Variants in RCBTB2 observed in about 807,000 individuals in gnomAD.
RCBTB2 encodes RCC1 and BTB domain containing protein 2.
A neutral mutation model predicts 65.4 loss-of-function variants in RCBTB2; 55 were observed. The ratio of observed to expected loss-of-function variants is 0.84; its 90% CI spans 0.68 to 1.05. The LOEUF (loss-of-function observed/expected upper bound fraction) is 1.05, where lower values mean the gene tolerates loss of function less well. RCBTB2 is among the 50% of genes least tolerant of loss of function. The pLI is 0.00. For synonymous variants in RCBTB2, 220 were observed against 255.2 expected (o/e 0.86, Z 1.31); for missense variants, 599 against 680.1 (o/e 0.88, Z 1.33).
intron 1 of RCBTB2, among the ~76,000 whole-genome samples, chr13:48,531,690 A>G (rs1952134153): frequency 6.6e-6 from 1 of 152,226 alleles, no homozygotes; most frequent in Non-Finnish European, 1.5e-5. Context: ...CTGCTGCTTA[A>G]TAACACGCAT....
chr13:48,513,604 CA>C (rs1246422555), intron 6 of RCBTB2, among the ~76,000 whole-genome samples: 1 of 152,154 alleles, frequency 6.6e-6, no homozygotes, highest in African/African-American at 2.4e-5. Flanking sequence ...TTGCTGTGTT[CA>C]AACTGCTACA....
At chr13:48,513,980 C>T (rs1469010847) in intron 6 of RCBTB2, among the ~76,000 whole-genome samples, 2 of 152,122 alleles carry the variant, frequency 1.3e-5, no homozygotes, top group Non-Finnish European at 2.9e-5. Flanking sequence ...AGATTAACAA[C>T]AATAACTAAT....
At chr13:48,499,111 AACACACACACACAC>A (rs142443945) in intron 13 of RCBTB2, among the ~76,000 whole-genome samples, 1 of 105,862 alleles carries the variant, frequency 9.4e-6, no homozygotes, top group Non-Finnish European at 1.9e-5. Context: ...CCCCCACCCC[AACACACACACACAC>A]ACACACACAC....
At chr13:48,528,058 C>A (rs1026043373) in intron 1 of RCBTB2, among the ~76,000 whole-genome samples, 2 of 152,152 alleles carry the variant, frequency 1.3e-5, no homozygotes, top group East Asian at 1.9e-4. Context: ...GACATAGGTT[C>A]ATTTGCCTAA....
At chr13:48,526,175 T>C (rs7322788) in intron 1 of RCBTB2, among the ~76,000 whole-genome samples, 2,427 of 152,330 alleles carry the variant, frequency 0.016, 60 homozygotes, top group African/African-American at 0.055. Flanking sequence ...ACCAAGGACA[T>C]GGAAATTCAA....
Position 48,501,755 on chromosome 13 carries a change from G to A in RCBTB2, c.1231C>T (p.Leu411Phe). The A allele has an allele frequency of 6.2e-7, 1 of 1,611,346 alleles. No homozygotes were observed. The highest frequency in any genetic ancestry group is 8.5e-7 in the Non-Finnish European group (1 of 1,178,162). ...DGKYIYAHKVLLKIRCEHFRS... is the reference protein window; with the variant it reads ...DGKYIYAHKVFLKIRCEHFRS... ...ATGATTCCTTACCGAATCTTGAGAA[G>A]GACTTTATGTGCATAAATGTACTTT... Residue 411 changes from leucine to phenylalanine, a missense_variant, in exon 12 of 15, where the codon CTT (leucine) becomes TTT (phenylalanine). Leu to Phe is a conservative substitution (Grantham distance 22, BLOSUM62 0). Coordinates refer to ENST00000344532, the MANE Select transcript of RCBTB2 (RefSeq NM_001268.4).
chr13:48,532,888 T>G (rs1952250033), intron 1 of RCBTB2, 140 bp downstream of exon 1: 1 of 433,288 alleles, frequency 2.3e-6, no homozygotes, highest in South Asian at 1.6e-5. Context: ...TCTAGTCCCC[T>G]GGGCCCCTCA....
intron 1 of RCBTB2, among the ~76,000 whole-genome samples, chr13:48,527,361 T>TATATGATATATATATATGATATATA: frequency 4.4e-5 from 5 of 112,442 alleles, no homozygotes; most frequent in African/African-American, 2.8e-4. Flanking sequence ...TGATATATAT[T>TATATGATATATATATATGATATATA]TATATATGAT....
rs1371111620 is a variant in RCBTB2 at position 48,515,276 on chromosome 13, T to C, written c.278A>G (p.Asp93Gly). 6.2e-7 allele frequency: 1 copy of C among 1,614,072 alleles called. No individual in the cohort carries two copies. Reference protein sequence around the residue: ...VQSTIEPRRLDSLNGKKIACL... With the variant: ...VQSTIEPRRLGSLNGKKIACL... The stretch of plus-strand genomic sequence containing the variant: ...GGCTATTTTTTTGCCATTTAAAGAA[T>C]CCAGTCTCCGAGGTTCAATGGTGCT... Residue 93 changes from aspartate to glycine, a missense_variant, in exon 6 of 15, where the codon GAT becomes GGT. Asp to Gly is a moderately conservative substitution (Grantham distance 94, BLOSUM62 -1). Coordinates refer to ENST00000344532, the MANE Select transcript of RCBTB2 (RefSeq NM_001268.4).
upstream of RCBTB2, among the ~76,000 whole-genome samples, chr13:48,534,726 T>A (rs1236628645): frequency 6.6e-6 from 1 of 152,230 alleles, no homozygotes; most frequent in Non-Finnish European, 1.5e-5. Context: ...AAATTAAAAG[T>A]AAGAAGTAAA....
At chr13:48,510,315 A>C (rs974478473) in intron 10 of RCBTB2, among the ~76,000 whole-genome samples, 3 of 152,198 alleles carry the variant, frequency 2.0e-5, no homozygotes, top group African/African-American at 7.2e-5. Context: ...TAAAACAGGA[A>C]AAGGAGGAGG....
At chr13:48,519,860 C>A (rs1459615109) in intron 4 of RCBTB2, among the ~76,000 whole-genome samples, 1 of 152,052 alleles carries the variant, frequency 6.6e-6, no homozygotes, top group African/African-American at 2.4e-5. Flanking sequence ...TTATAAAATG[C>A]ATGTATTTGC....
At chr13:48,518,317 C>T (rs1212342915) in intron 4 of RCBTB2, among the ~76,000 whole-genome samples, 2 of 152,026 alleles carry the variant, frequency 1.3e-5, no homozygotes, top group Non-Finnish European at 2.9e-5. Context: ...TGTTCCCTCA[C>T]GTGCCACTTG....
At chr13:48,522,452 G>C in intron 2 of RCBTB2, 49 bp from the exon 3 acceptor site, 1 of 840,790 alleles carries the variant, frequency 1.2e-6, no homozygotes. Flanking sequence ...AAAAATGAAT[G>C]AATGAATGTG....
intron 13 of RCBTB2, 50 bp downstream of exon 13, chr13:48,499,571 T>A (rs759917353): frequency 3.1e-6 from 5 of 1,593,856 alleles, no homozygotes; most frequent in Non-Finnish European, 3.4e-6. Flanking sequence ...GAAACCACCT[T>A]GTCAGTTCCT....
chr13:48,490,888 GT>G (rs1593566401), intron 14 of RCBTB2, among the ~76,000 whole-genome samples: 1 of 152,178 alleles, frequency 6.6e-6, no homozygotes, highest in East Asian at 1.9e-4. Flanking sequence ...ACAGATTGGT[GT>G]TTTCTGGCTT....
intron 14 of RCBTB2, among the ~76,000 whole-genome samples, chr13:48,493,305 A>T (rs1949799527): frequency 3.1e-5 from 2 of 64,616 alleles, no homozygotes; most frequent in Non-Finnish European, 6.3e-5. Context: ...ACACACACAC[A>T]CACACACACA....
Position 48,490,221 on chromosome 13 carries a change from TGCAAAACCTGAA to T in RCBTB2, c.1534_1545del (p.Phe512_Cys515del). ...TGTGTTACTACAGTCAGATGGTTTA[TGCAAAACCTGAA>T]GCAGAATTCTTCTAAATCCTAGGAA... On this transcript the variant is annotated inframe_deletion, in exon 15 of 15. Coordinates refer to ENST00000344532, the MANE Select transcript of RCBTB2 (RefSeq NM_001268.4). The T allele has an allele frequency of 6.2e-7, 1 of 1,613,662 alleles. No individual in the cohort carries two copies. The highest frequency in any genetic ancestry group is 8.5e-7 in the Non-Finnish European group (1 of 1,179,604).
intron 14 of RCBTB2, among the ~76,000 whole-genome samples, chr13:48,492,815 A>G (rs1267673652): frequency 6.6e-6 from 1 of 152,150 alleles, no homozygotes; most frequent in East Asian, 1.9e-4. Context: ...TCAGGACTTA[A>G]TCTTCAAACC....
Sources: gnomAD v4.1 joint callset for allele counts (sites outside exome capture counted in the v4.1 genomes callset) on GRCh38, gnomAD v4.1.1 for gene constraint, MANE v1.5 for transcripts, NCBI Gene and HGNC (gene_info 2026-07-23, HGNC 2026-07-21) for gene names.